The following PTPRN2 variants were observed in gnomAD, a reference collection of about 807,000 sequenced individuals.
PTPRN2 encodes the protein receptor-type tyrosine-protein phosphatase N2.
PTPRN2 carries 74 observed loss-of-function variants against 118.8 expected under a neutral mutation model. The ratio of observed to expected loss-of-function variants is 0.62; its 90% CI spans 0.52 to 0.76. The LOEUF (loss-of-function observed/expected upper bound fraction) is 0.76. Among genes scored for constraint, PTPRN2 ranks in the 30% least tolerant of loss-of-function variants. The pLI is 0.00. For missense variants in PTPRN2, 1,481 were observed against 1,394.4 expected, an observed-to-expected ratio of 1.06 and a Z score of -0.99; for synonymous variants, 641 against 608.0, an observed-to-expected ratio of 1.05 and a Z score of -0.80.
At chr7:158,332,890 T>A (rs1250852964) in intron 2 of PTPRN2, among the ~76,000 whole-genome samples, 46 of 149,066 alleles carry the variant, frequency 3.1e-4, no homozygotes, top group African/African-American at 1.2e-3. Flanking sequence ...AAGTGACACC[T>A]GCAAACGTCA....
chr7:157,842,228 C>T (rs1232447285), intron 12 of PTPRN2, among the ~76,000 whole-genome samples: 1 of 152,102 alleles, frequency 6.6e-6, no homozygotes, highest in Non-Finnish European at 1.5e-5. Context: ...AACCAGGCCT[C>T]CCCCACACAT....
Position 157,789,392 on chromosome 7 carries a change from G to C in PTPRN2, c.1789-106455C>G, listed in dbSNP as rs545071946. Among the ~76,000 whole-genome samples, 56 of 152,338 alleles carry C rather than the reference G, an allele frequency of 3.7e-4. 1 individual carries two copies. In the South Asian group the frequency reaches 0.011, roughly 31 times the overall value. On this transcript the variant is annotated intron_variant, in intron 12 of 22. Coordinates refer to ENST00000389418, the MANE Select transcript of PTPRN2 (RefSeq NM_002847.5). ...ACCCTGGGACATCCAGGCCCCCTGG[G>C]CACAGACATCTTGTACAAGGTCAGA... is the stretch of plus-strand genomic sequence containing the variant.
intron 2 of PTPRN2, among the ~76,000 whole-genome samples, chr7:158,357,545 C>G (rs1430664830): frequency 6.6e-6 from 1 of 152,256 alleles, no homozygotes; most frequent in Non-Finnish European, 1.5e-5. Flanking sequence ...CCTGCATTTG[C>G]TGCGCAGCCC....
At chr7:158,442,141 AGTGGTGGTGATGGTGATGGCAATGG>A (rs1563299998) in intron 2 of PTPRN2, among the ~76,000 whole-genome samples, 4 of 136,700 alleles carry the variant, frequency 2.9e-5, no homozygotes, top group African/African-American at 1.1e-4. Context: ...TGGTGGTGGC[AGTGGTGGTGATGGTGATGGCAATGG>A]TGGCAGTGGT....
At chr7:157,976,597 C>A (rs34424588) in intron 11 of PTPRN2, among the ~76,000 whole-genome samples, 8,947 of 151,710 alleles carry the variant, frequency 0.059, 468 homozygotes, top group Non-Finnish European at 0.099. Context: ...TGTGCGGCTG[C>A]CCTACCAGAC....
chr7:157,684,335 C>T (rs1797058064), intron 12 of PTPRN2, among the ~76,000 whole-genome samples: 1 of 148,522 alleles, frequency 6.7e-6, no homozygotes, highest in African/African-American at 2.5e-5. Flanking sequence ...GCGGTGGAGC[C>T]GCCGCGGAGA....
rs1263275171 is a variant in PTPRN2, at chr7:157,603,931, TCCCACGTGATTTGCCGCGTCCGTGCCA to T, written c.2418+44_2418+70del. 1 of 1,438,576 alleles carries T rather than the reference TCCCACGTGATTTGCCGCGTCCGTGCCA, an allele frequency of 7.0e-7. No homozygotes were observed. Among genetic ancestry groups the T allele is most frequent in the African/African-American group, 1.4e-5 (1 of 71,482 alleles). The allele number at this position is 1,438,576 out of a possible 1,614,324, so 89.1% of individuals were successfully genotyped here. A position where few individuals can be genotyped will look rare whatever the true frequency, so the allele number is the denominator to read the frequency against. On this transcript the variant is annotated intron_variant, in intron 16 of 22. Coordinates refer to ENST00000389418, the MANE Select transcript of PTPRN2 (RefSeq NM_002847.5). This position sits in a 1 kb window ranked among gnomAD's most constrained non-coding sequence, Gnocchi z 5.4. Reference sequence around the variant, plus strand: ...GGGACGTGATTTCCCCCGAGAACCTTCCCACGTGATTTGCCGCGTCCGTGCCACCCAAGGGAAAGCCTGGGGCCCCTG... The same window carrying T: ...GGGACGTGATTTCCCCCGAGAACCTTCCCAAGGGAAAGCCTGGGGCCCCTG...
intron 13 of PTPRN2, among the ~76,000 whole-genome samples, chr7:157,663,474 G>A (rs1365310805): frequency 2.6e-5 from 4 of 152,338 alleles, no homozygotes; most frequent in South Asian, 4.1e-4. Context: ...AGTCTGCTGC[G>A]CTCACGGGGA....
At chr7:158,076,323 G>A (rs891131076) in intron 11 of PTPRN2, among the ~76,000 whole-genome samples, 55 of 152,204 alleles carry the variant, frequency 3.6e-4, no homozygotes, top group African/African-American at 1.3e-3. Context: ...GGGAGTGGGT[G>A]TGTGGGAGCG....
chr7:158,124,004 C>T (rs572836737), intron 9 of PTPRN2, among the ~76,000 whole-genome samples: 24 of 152,294 alleles, frequency 1.6e-4, no homozygotes, highest in African/African-American at 5.8e-4. Context: ...CCGACCCAGG[C>T]GGAGCTGGTT....
intron 11 of PTPRN2, among the ~76,000 whole-genome samples, chr7:158,006,378 C>G (rs1160857064): frequency 1.1e-4 from 17 of 152,226 alleles, no homozygotes. Flanking sequence ...CCAGCCTGGT[C>G]TGGCCCTGGA....
intron 12 of PTPRN2, among the ~76,000 whole-genome samples, chr7:157,841,023 C>G (rs1310821013): frequency 6.6e-6 from 1 of 152,258 alleles, no homozygotes; most frequent in African/African-American, 2.4e-5. Context: ...CGCTGCCTGG[C>G]CTGGGAGCTC....
Position 158,205,255 on chromosome 7 carries a change from T to C in PTPRN2, c.296A>G (p.Asp99Gly), listed in dbSNP as rs1215166854. 1.2e-6 allele frequency: 2 copies of C among 1,613,808 alleles called. No individual in the cohort carries two copies. Among genetic ancestry groups the C allele is most frequent in the Non-Finnish European group, 1.7e-6 (2 of 1,179,990 alleles). Residue 99 changes from aspartate (D) to glycine (G), a missense_variant, in exon 4 of 23, where the codon GAC (aspartate) becomes GGC (glycine). Around this residue, in one of 3 missense-constraint regions of PTPRN2, gnomAD observed 1,115 missense variants for 994.2 expected, o/e 1.12. Coordinates refer to ENST00000389418, the MANE Select transcript of PTPRN2 (RefSeq NM_002847.5). ...CTGGTCCATCACATACTGAGTATAG[T>C]CATCCTGCCACGTGAAACCTGTGGA... Reference protein sequence around the residue: ...LSGTGFTWQDDYTQYVMDQEL... With the variant: ...LSGTGFTWQDGYTQYVMDQEL...
chr7:157,566,785 C>A (rs889810637), intron 21 of PTPRN2, among the ~76,000 whole-genome samples: 1 of 152,234 alleles, frequency 6.6e-6, no homozygotes, highest in Non-Finnish European at 1.5e-5. Flanking sequence ...CCAGGACATA[C>A]TTCTCCATGT....
At chr7:158,270,147 C>T (rs1047095720) in intron 3 of PTPRN2, among the ~76,000 whole-genome samples, 22 of 152,226 alleles carry the variant, frequency 1.4e-4, no homozygotes, top group African/African-American at 2.7e-4. Context: ...CCAGGACAGA[C>T]GCCCCACAGC....
chr7:158,233,915 C>T (rs1829339573), intron 3 of PTPRN2, among the ~76,000 whole-genome samples: 1 of 152,096 alleles, frequency 6.6e-6, no homozygotes. Context: ...ACTGGATTTC[C>T]ATACACAGAA....
intron 12 of PTPRN2, among the ~76,000 whole-genome samples, chr7:157,734,897 T>C (rs1304980037): frequency 3.3e-5 from 5 of 152,232 alleles, no homozygotes; most frequent in Non-Finnish European, 7.3e-5. Flanking sequence ...CCAATATTGA[T>C]GTCGACGTGG....
At chr7:157,569,072 A>G in intron 20 of PTPRN2, 106 bp from the exon 21 acceptor site, 1 of 1,101,040 alleles carries the variant, frequency 9.1e-7, no homozygotes, top group East Asian at 2.4e-5. Context: ...GGGGCCGGCG[A>G]GAGGAAAGGA....
intron 12 of PTPRN2, among the ~76,000 whole-genome samples, chr7:157,802,694 C>G (rs1317124115): frequency 1.3e-5 from 2 of 152,184 alleles, no homozygotes; most frequent in African/African-American, 4.8e-5. Flanking sequence ...TTCCCACCAA[C>G]AGCATGTAAG....
Sources: allele counts gnomAD v4.1 joint callset (sites outside exome capture counted in the v4.1 genomes callset), GRCh38; gene constraint gnomAD v4.1.1; regional missense constraint gnomAD v4.1.1; non-coding constraint Gnocchi (gnomAD v3.1); transcripts MANE v1.5; gene names NCBI Gene and HGNC (gene_info 2026-07-23, HGNC 2026-07-21).